Variants in KCNIP4 observed in about 807,000 individuals in gnomAD.
The protein encoded by KCNIP4 is potassium voltage-gated channel interacting protein 4.
KCNIP4 carries 12 observed loss-of-function variants against 34.0 expected under a neutral mutation model. The ratio of observed to expected loss-of-function variants is 0.35; its 90% CI spans 0.23 to 0.57. KCNIP4 has a LOEUF of 0.57. Among genes scored for constraint, KCNIP4 ranks in the 20% least tolerant of loss-of-function variants. KCNIP4 has a pLI of 0.83. For missense variants in KCNIP4, 238 were observed against 311.7 expected (o/e 0.76, Z 1.78); for synonymous variants, 124 against 102.2 (o/e 1.21, Z -1.29).
At chr4:21,392,318 T>C (rs1722634089) in intron 1 of KCNIP4, among the ~76,000 whole-genome samples, 1 of 152,092 alleles carries the variant, frequency 6.6e-6, no homozygotes, top group African/African-American at 2.4e-5. Flanking sequence ...TTAAGAAGAT[T>C]ATAATTAAGA....
intron 4 of KCNIP4, among the ~76,000 whole-genome samples, chr4:20,753,687 A>G (rs1372545014): frequency 1.3e-5 from 2 of 152,204 alleles, no homozygotes; most frequent in Non-Finnish European, 2.9e-5. Context: ...ACAAGTTCAT[A>G]TGTGTGAATA....
intron 1 of KCNIP4, among the ~76,000 whole-genome samples, chr4:21,765,287 C>G (rs1380064747): frequency 6.6e-6 from 1 of 151,716 alleles, no homozygotes; most frequent in Non-Finnish European, 1.5e-5. Context: ...TCCCAAGTAT[C>G]TAGGGCAGAA....
chr4:21,431,636 C>T (rs910727827), intron 1 of KCNIP4, among the ~76,000 whole-genome samples: 1 of 151,954 alleles, frequency 6.6e-6, no homozygotes, highest in South Asian at 2.1e-4. Flanking sequence ...CAGAGAGGTA[C>T]AGAGCATGAG....
At chr4:21,032,124 G>T in intron 1 of KCNIP4, among the ~76,000 whole-genome samples, 1 of 152,130 alleles carries the variant, frequency 6.6e-6, no homozygotes, top group East Asian at 1.9e-4. Context: ...TGTATCCTCT[G>T]TGTAACTGTC....
At chr4:21,618,929 G>A (rs921178585) in intron 1 of KCNIP4, among the ~76,000 whole-genome samples, 6 of 151,714 alleles carry the variant, frequency 4.0e-5, no homozygotes, top group East Asian at 1.9e-4. Context: ...CACCGTGCCC[G>A]GCCATATTTA....
At chr4:20,743,012 GTGAAGGA>G (rs1751528400) in intron 5 of KCNIP4, among the ~76,000 whole-genome samples, 2 of 99,330 alleles carry the variant, frequency 2.0e-5, no homozygotes, top group African/African-American at 9.8e-5. Context: ...TATATGGGAT[GTGAAGGA>G]CCCTTATAAG....
At chr4:21,346,223 A>AT (rs1553865229) in intron 1 of KCNIP4, among the ~76,000 whole-genome samples, 2 of 76,160 alleles carry the variant, frequency 2.6e-5, no homozygotes, top group Admixed American at 2.1e-4. Context: ...TATTATATAT[A>AT]ATTCTATATA....
rs571689242 is a variant in KCNIP4, at chr4:21,202,864, C to T, written c.62-320155G>A. 3.7e-4 allele frequency among the ~76,000 whole-genome samples: 57 copies of T among 152,268 alleles called. No individual in the cohort carries two copies. In the Middle Eastern group the frequency reaches 0.014, roughly 36 times the overall value. On this transcript the variant is annotated intron_variant, in intron 1 of 8. Transcript: ENST00000382152. ...GAATCTACAAGGGCTACTAGGCCCA[C>T]GCCTCACATTTGTTGGCCACAATAG...
chr4:21,130,686 T>A (rs1266428550), intron 1 of KCNIP4, among the ~76,000 whole-genome samples: 1 of 152,192 alleles, frequency 6.6e-6, no homozygotes, highest in Non-Finnish European at 1.5e-5. Flanking sequence ...TCTGGGTACT[T>A]GTCCTGGCTG....
At chr4:21,317,423 C>A (rs1280473039) in intron 1 of KCNIP4, among the ~76,000 whole-genome samples, 1 of 151,962 alleles carries the variant, frequency 6.6e-6, no homozygotes, top group African/African-American at 2.4e-5. Flanking sequence ...AAAAAGGTAA[C>A]AATTTATGGA....
intron 1 of KCNIP4, chr4:21,850,886 G>T (rs567842106): frequency 6.6e-5 from 10 of 152,112 alleles, no homozygotes; most frequent in Admixed American, 4.6e-4. Context: ...CAACATTTGT[G>T]CAAGATTCAA....
chr4:21,180,379 T>C (rs181000655), intron 1 of KCNIP4, among the ~76,000 whole-genome samples: 169 of 152,222 alleles, frequency 1.1e-3, no homozygotes, highest in Admixed American at 2.4e-3. Context: ...AACATAGATA[T>C]AAATATCTGT....
At chr4:21,257,698 C>T (rs768395151) in intron 1 of KCNIP4, among the ~76,000 whole-genome samples, 7 of 150,280 alleles carry the variant, frequency 4.7e-5, no homozygotes, top group African/African-American at 1.2e-4. Flanking sequence ...TGCAGTGAGC[C>T]GAGATCATGC....
intron 1 of KCNIP4, among the ~76,000 whole-genome samples, chr4:21,403,760 G>A (rs1357013390): frequency 6.6e-6 from 1 of 152,104 alleles, no homozygotes; most frequent in Non-Finnish European, 1.5e-5. Flanking sequence ...GTTTCTGGTG[G>A]GGACCCATGC....
chr4:21,623,416 C>CTGAGCTCAATA (rs1183754684), intron 1 of KCNIP4, among the ~76,000 whole-genome samples: 1 of 152,170 alleles, frequency 6.6e-6, no homozygotes, highest in African/African-American at 2.4e-5. Context: ...TCCTACAAAG[C>CTGAGCTCAATA]TGAGCTCAAT....
intron 3 of KCNIP4, among the ~76,000 whole-genome samples, chr4:20,771,816 C>T (rs1253566101): frequency 1.3e-5 from 2 of 152,042 alleles, no homozygotes; most frequent in Non-Finnish European, 2.9e-5. Context: ...ACTACAGGCA[C>T]CCGCCACCAA....
At chr4:21,423,620 C>T (rs528776363) in intron 1 of KCNIP4, among the ~76,000 whole-genome samples, 1 of 152,306 alleles carries the variant, frequency 6.6e-6, no homozygotes, top group East Asian at 1.9e-4. Flanking sequence ...ACACCTCCTC[C>T]CATCTCTGTT....
intron 8 of KCNIP4, chr4:20,731,308 A>T (rs1247552751): frequency 2.5e-6 from 2 of 798,384 alleles, no homozygotes; most frequent in Non-Finnish European, 3.0e-6. Context: ...TCCTGGCCTT[A>T]AGTTATCTTC....
intron 1 of KCNIP4, among the ~76,000 whole-genome samples, chr4:21,524,214 A>T (rs745572356): frequency 1.5e-5 from 2 of 133,192 alleles, no homozygotes; most frequent in African/African-American, 2.7e-5. Context: ...TCTTTGCTCC[A>T]GCCCTTCTTA....
Sources: allele counts gnomAD v4.1 joint callset (sites outside exome capture counted in the v4.1 genomes callset), GRCh38; gene constraint gnomAD v4.1.1; transcripts MANE v1.5; gene names NCBI Gene and HGNC (gene_info 2026-07-23, HGNC 2026-07-21).